Variants in CACNA1H observed in about 807,000 individuals in gnomAD.
CACNA1H encodes the protein voltage-dependent T-type calcium channel subunit alpha-1H.
A neutral mutation model predicts 192.5 loss-of-function variants in CACNA1H; 149 were observed. The ratio of observed to expected loss-of-function variants is 0.77; its 90% CI spans 0.68 to 0.89. CACNA1H has a LOEUF of 0.89. Among genes scored for constraint, CACNA1H ranks in the 40% least tolerant of loss-of-function variants. The probability of loss-of-function intolerance (pLI) is 0.00; values close to 1 mark genes in which losing one functional copy is unlikely to be tolerated. For synonymous variants in CACNA1H, 2,202 were observed against 1,475.2 expected (o/e 1.49, Z -11.29); for missense variants, 4,257 against 3,423.5 (o/e 1.24, Z -6.08).
intron 2 of CACNA1H, among the ~76,000 whole-genome samples, chr16:1,184,083 A>T (rs532113618): frequency 6.6e-6 from 1 of 152,096 alleles, no homozygotes; most frequent in African/African-American, 2.4e-5. Flanking sequence ...GGTAGGGGAG[A>T]TGGGACACCA....
rs1440597628 is a variant in CACNA1H at position 1,195,961 on chromosome 16, G to A, written c.581G>A (p.Ser194Asn). 2.5e-6 allele frequency: 4 copies of A among 1,613,168 alleles called. No individual in the cohort carries two copies. Among genetic ancestry groups the A allele is most frequent in the Non-Finnish European group, 3.4e-6 (4 of 1,179,844 alleles). Residue 194 changes from serine (S) to asparagine (N), a missense_variant, in exon 5 of 35, where the codon AGC becomes AAC. Coordinates refer to ENST00000348261, the MANE Select transcript of CACNA1H (RefSeq NM_021098.3). ...TACTCGTTGGACGGACACAACGTGA[G>A]CCTCTCGGCTATCAGGACCGTGCGG... The part of the protein sequence containing the change: ...MEYSLDGHNV[S>N]LSAIRTVRVL...
At chr16:1,155,467 G>A (rs532213610) in intron 2 of CACNA1H, among the ~76,000 whole-genome samples, 29 of 152,284 alleles carry the variant, frequency 1.9e-4, no homozygotes, top group African/African-American at 6.0e-4. Context: ...GGGTTAGTCC[G>A]GCGGTGCCAG....
chr16:1,159,342 C>T (rs1962875151), intron 2 of CACNA1H, among the ~76,000 whole-genome samples: 1 of 152,024 alleles, frequency 6.6e-6, no homozygotes, highest in Admixed American at 6.5e-5. Context: ...CGGACTGAGA[C>T]CTGGATGGGG....
At chr16:1,198,393 C>T (rs1428558755) in intron 5 of CACNA1H, among the ~76,000 whole-genome samples, 1 of 152,282 alleles carries the variant, frequency 6.6e-6, no homozygotes, top group South Asian at 2.1e-4. Context: ...ACGTCAGACC[C>T]CAGGGTGTCA....
rs556573680 is a variant in CACNA1H at position 1,205,809 on chromosome 16, G to A, written c.2604-295G>A. Reference sequence around the variant, plus strand: ...GGACAAGCCAGGTCTGGCTGTGGAAGGCCCAGGATAGGAGAGCGCCCTCGG... The same window carrying A: ...GGACAAGCCAGGTCTGGCTGTGGAAAGCCCAGGATAGGAGAGCGCCCTCGG... On this transcript the variant is annotated intron_variant, in intron 11 of 34. Transcript: ENST00000348261. 6.6e-5 allele frequency among the ~76,000 whole-genome samples: 10 copies of A among 152,328 alleles called. No individual in the cohort carries two copies. In the South Asian group the frequency reaches 1.7e-3, roughly 25 times the overall value.
intron 2 of CACNA1H, among the ~76,000 whole-genome samples, chr16:1,178,944 A>C (rs1277740091): frequency 6.6e-6 from 1 of 152,144 alleles, no homozygotes; most frequent in Non-Finnish European, 1.5e-5. Flanking sequence ...GCATCTCCCC[A>C]GCAGGCTGGC....
Position 1,200,538 on chromosome 16 carries a change from C to T in CACNA1H, c.1086C>T (p.Asp362=), listed in dbSNP as rs1401076912. The change falls in exon 7 of 35, where the codon GAC becomes GAT. Residue 362 remains aspartate (D), a synonymous_variant. Transcript: ENST00000348261. ...SNPHNGAINF[D]NIGYAWIAIF... ...CCCACAACGGTGCCATCAACTTCGA[C>T]AACATCGGCTACGCCTGGATTGCCA... The T allele has an allele frequency of 1.1e-5, 18 of 1,612,196 alleles. No individual in the cohort carries two copies. The highest frequency in any genetic ancestry group is 1.4e-5 in the Non-Finnish European group (16 of 1,179,728).
At position 1,210,433 on chromosome 16, in the gene CACNA1H, C is replaced by G; in HGVS notation, c.3909C>G (p.Phe1303Leu). 6.3e-7 allele frequency: 1 copy of G among 1,581,940 alleles called. No homozygotes were observed. The change falls in exon 19 of 35, where the codon TTC becomes TTG. Residue 1303 changes from phenylalanine (F) to leucine (L), a missense_variant. By Grantham distance (22) the Phe-to-Leu change is conservative (BLOSUM62 0). Coordinates refer to ENST00000348261, the MANE Select transcript of CACNA1H (RefSeq NM_021098.3). ...HKMFDHVVLV[F>L]IFLNCVTIAL... is the part of the protein sequence containing the mutation. Reference sequence around the variant, plus strand: ...TGTTTGATCACGTGGTCCTCGTCTTCATCTTCCTCAACTGCGTCACCATCG... The same window carrying G: ...TGTTTGATCACGTGGTCCTCGTCTTGATCTTCCTCAACTGCGTCACCATCG...
chr16:1,211,632 TG>T lies in CACNA1H; in HGVS notation c.4476+31del, dbSNP rs752520855. ...GTGGGCTGGGCGGCCGGGCGGGAGC[TG>T]GGGGTCTCCAGGACACCCTGGAGCG... On this transcript the variant is annotated intron_variant, in intron 23 of 34. Coordinates refer to ENST00000348261, the MANE Select transcript of CACNA1H (RefSeq NM_021098.3). The T allele has an allele frequency of 9.3e-6, 15 of 1,609,504 alleles. 1 individual carries two copies. In the South Asian group the frequency reaches 1.7e-4, roughly 18 times the overall value.
rs562889983 is a variant in CACNA1H at position 1,160,716 on chromosome 16, C to T, written c.299+6680C>T. Among the ~76,000 whole-genome samples, 31 of 152,286 alleles carry T rather than the reference C, an allele frequency of 2.0e-4. 2 individuals carry two copies. In the South Asian group the frequency reaches 6.4e-3, roughly 32 times the overall value. ...GTGAGAGCCCCCGGGTTTGATGAGCCGGACGGTTGATGAATGTGCTCCACG... is the reference window on the plus strand; with the variant it reads ...GTGAGAGCCCCCGGGTTTGATGAGCTGGACGGTTGATGAATGTGCTCCACG... On this transcript the variant is annotated intron_variant, in intron 2 of 34. Transcript: ENST00000348261.
intron 2 of CACNA1H, among the ~76,000 whole-genome samples, chr16:1,175,327 G>A (rs1964773078): frequency 1.3e-5 from 2 of 152,198 alleles, no homozygotes; most frequent in Admixed American, 6.5e-5. Context: ...AGCCCCGGGA[G>A]GGCCACTCAC....
intron 2 of CACNA1H, among the ~76,000 whole-genome samples, chr16:1,161,799 G>A (rs1245021996): frequency 6.6e-6 from 1 of 152,188 alleles, no homozygotes; most frequent in African/African-American, 2.4e-5. Context: ...CCCCACGCCA[G>A]CCCTGTCCCC....
chr16:1,188,057 C>G (rs556230165), intron 2 of CACNA1H, among the ~76,000 whole-genome samples: 3 of 152,262 alleles, frequency 2.0e-5, no homozygotes, highest in East Asian at 3.9e-4. Flanking sequence ...ATGAAATAGC[C>G]CTTTTGTACA....
chr16:1,203,872 A>T, intron 9 of CACNA1H, 138 bp from the exon 10 acceptor site: 1 of 618,938 alleles, frequency 1.6e-6, no homozygotes, highest in Non-Finnish European at 2.8e-6. Context: ...GTCCAGTCAC[A>T]GGTTCTGGAG....
intron 2 of CACNA1H, among the ~76,000 whole-genome samples, chr16:1,169,879 G>A (rs1332055192): frequency 6.6e-6 from 1 of 152,250 alleles, no homozygotes; most frequent in African/African-American, 2.4e-5. Context: ...CGACCGCCCA[G>A]CACTGCAGTC....
intron 12 of CACNA1H, chr16:1,206,705 A>G (rs950174553): frequency 2.0e-5 from 9 of 459,258 alleles, no homozygotes; most frequent in Non-Finnish European, 3.5e-5. Context: ...AGGCTGAATG[A>G]GGCAGGTGTC....
In CACNA1H at chr16:1,214,140, G is replaced by C. The variant is rs374191178; in HGVS notation, c.4929+209G>C. Reference sequence around the variant, plus strand: ...TGGGGCCCCTCCCCAACCTGGCCGTGAGTGTCCCACCCAAGGAGGGGCTGG... The same window carrying C: ...TGGGGCCCCTCCCCAACCTGGCCGTCAGTGTCCCACCCAAGGAGGGGCTGG... On this transcript the variant is annotated intron_variant, in intron 27 of 34. Transcript: ENST00000348261. Among the ~76,000 whole-genome samples, 535 of 152,206 alleles carry C rather than the reference G, an allele frequency of 3.5e-3. 3 individuals are homozygous for C. The highest frequency in any genetic ancestry group is 0.012 in the African/African-American group (501 of 41,550).
chr16:1,202,455 G>A lies in CACNA1H; in HGVS notation c.2002+3G>A, dbSNP rs1258560016. ...CCCGCATGTGGTCGGGGAGCATGGT[G>A]AGGACCCAGCCCCACCCCACGGAGG... On this transcript the variant is annotated splice_donor_region_variant and intron_variant, in intron 9 of 34. Coordinates refer to ENST00000348261, the MANE Select transcript of CACNA1H (RefSeq NM_021098.3). 1 of 1,484,250 alleles carries A rather than the reference G, an allele frequency of 6.7e-7. No homozygotes were observed. Among genetic ancestry groups the A allele is most frequent in the South Asian group, 1.3e-5 (1 of 74,760 alleles). 91.9% of individuals were successfully genotyped at this position (1,484,250 alleles called of 1,614,324 possible). A position where few individuals can be genotyped will look rare whatever the true frequency, so the allele number is the denominator to read the frequency against.
intron 16 of CACNA1H, 41 bp downstream of exon 16, chr16:1,208,262 G>A (rs1264643125): frequency 5.6e-6 from 8 of 1,439,112 alleles, no homozygotes; most frequent in Admixed American, 2.0e-5. Flanking sequence ...GCCCCTTCAG[G>A]TTTTCCCTGC....
Sources: allele counts gnomAD v4.1 joint callset (sites outside exome capture counted in the v4.1 genomes callset), GRCh38; gene constraint gnomAD v4.1.1; transcripts MANE v1.5; gene names NCBI Gene and HGNC (gene_info 2026-07-23, HGNC 2026-07-21).